KATNAL2: variants seen among roughly 807,000 people sequenced by gnomAD.
The protein encoded by KATNAL2 is katanin catalytic subunit A1 like 2.
KATNAL2 carries 52 observed loss-of-function variants against 76.3 expected under a neutral mutation model. The ratio of observed to expected loss-of-function variants is 0.68; its 90% confidence interval spans 0.55 to 0.86. The LOEUF (loss-of-function observed/expected upper bound fraction) is 0.86. Among genes scored for constraint, KATNAL2 ranks in the 40% least tolerant of loss-of-function variants. The pLI, the probability that KATNAL2 is intolerant of heterozygous loss-of-function variation, is 0.00. For synonymous variants in KATNAL2, 243 were observed against 244.2 expected, an observed-to-expected ratio of 1.00 and a Z score of 0.05; for missense variants, 660 against 668.9, an observed-to-expected ratio of 0.99 and a Z score of 0.15.
chr18:46,954,326 C>CTTTTTT (rs57075892), intron 3 of KATNAL2, among the ~76,000 whole-genome samples: 1 of 121,126 alleles, frequency 8.3e-6, no homozygotes. Flanking sequence ...TCTTCTTCGT[C>CTTTTTT]TTTTTTTTTT....
intron 15 of KATNAL2, among the ~76,000 whole-genome samples, chr18:47,090,690 A>G (rs979567401): frequency 3.9e-5 from 6 of 152,222 alleles, no homozygotes; most frequent in African/African-American, 1.4e-4. Context: ...ATCTGGGTCT[A>G]TAAACATGAC....
intron 15 of KATNAL2, among the ~76,000 whole-genome samples, chr18:47,092,772 G>C (rs765499220): frequency 2.6e-5 from 4 of 152,178 alleles, no homozygotes; most frequent in Non-Finnish European, 5.9e-5. Flanking sequence ...CACTCTATGC[G>C]TCACAGCCTC....
In KATNAL2 at chr18:47,069,820, T is replaced by C. The variant is rs537915401; in HGVS notation, c.1008+220T>C. Among the ~76,000 whole-genome samples, 5 of 152,290 alleles carry C rather than the reference T, an allele frequency of 3.3e-5. No homozygotes were observed. In the East Asian group the frequency reaches 9.6e-4, roughly 29 times the overall value. ...CATGATCTCCCTTCCTTTGGGAATTTGATCAACAGCTCTTTTTTTATTCAT... is the reference window on the plus strand; with the variant it reads ...CATGATCTCCCTTCCTTTGGGAATTCGATCAACAGCTCTTTTTTTATTCAT... On this transcript the variant is annotated intron_variant, in intron 13 of 17. Transcript: ENST00000683218.
Position 46,960,043 on chromosome 18 carries a change from T to C in KATNAL2, c.51+13120T>C, listed in dbSNP as rs189464871. ...AACTGGACTAAACATATGAGTAAAC[T>C]CTTTTCAAGCATTGGATTATGTGAT... On this transcript the variant is annotated intron_variant, in intron 3 of 17. Transcript: ENST00000683218. 2.8e-3 allele frequency among the ~76,000 whole-genome samples: 433 copies of C among 152,280 alleles called. 2 individuals carry two copies. Among genetic ancestry groups the C allele is most frequent in the Admixed American group, 5.6e-3 (85 of 15,288 alleles).
intron 1 of KATNAL2, among the ~76,000 whole-genome samples, chr18:46,927,517 A>C (rs1294873054): frequency 1.3e-5 from 2 of 151,680 alleles, no homozygotes; most frequent in South Asian, 4.2e-4. Context: ...TGCCCTTAAC[A>C]TTTTTTCCTT....
rs1276865326 is a variant in KATNAL2 at position 47,062,952 on chromosome 18, TA to T, written c.550-18del. On this transcript the variant is annotated intron_variant, in intron 8 of 17. Transcript: ENST00000683218. The stretch of plus-strand genomic sequence containing the variant: ...TTCTCTTATGTTCTCATGGCATAAA[TA>T]ACCATTCCTCCCTTTCAGGGCCAAA... 1 of 1,588,606 alleles carries T rather than the reference TA, an allele frequency of 6.3e-7. No homozygotes were observed. Among genetic ancestry groups the T allele is most frequent in the East Asian group, 2.2e-5 (1 of 44,730 alleles).
chr18:47,077,671 C>A, intron 15 of KATNAL2: 1 of 436,376 alleles, frequency 2.3e-6, no homozygotes, highest in Non-Finnish European at 4.1e-6. Context: ...GCCAGGGTGA[C>A]CATTAACAAT....
chr18:47,065,564 G>T (rs2061765251), intron 10 of KATNAL2, among the ~76,000 whole-genome samples: 1 of 152,142 alleles, frequency 6.6e-6, no homozygotes, highest in Non-Finnish European at 1.5e-5. Context: ...AGCTACCTGG[G>T]AGGCTGAGGC....
chr18:47,060,936 C>T (rs1343029795), intron 8 of KATNAL2, among the ~76,000 whole-genome samples: 5 of 152,218 alleles, frequency 3.3e-5, no homozygotes, highest in African/African-American at 4.8e-5. Context: ...CTTGTGAATG[C>T]CTCACATTGA....
intron 10 of KATNAL2, among the ~76,000 whole-genome samples, chr18:47,064,080 C>G (rs887897509): frequency 6.6e-6 from 1 of 152,134 alleles, no homozygotes; most frequent in East Asian, 1.9e-4. Flanking sequence ...AAGCTAAGGG[C>G]TCCTGAGCTG....
In KATNAL2 at chr18:47,053,039, A is replaced by G. The variant is rs1158804699; in HGVS notation, c.282A>G (p.Ser94=). The part of the protein sequence containing the change: ...QKYPKIVKKS[S]DTAENNLPQR... ...ACCCCAAAATTGTCAAAAAGTCATC[A>G]GACACAGGTACATGCCTATTTTCTA... Residue 94 remains serine (S), a synonymous_variant, in exon 5 of 18, where the codon TCA becomes TCG. Transcript: ENST00000683218. The G allele has an allele frequency of 6.3e-7, 1 of 1,598,724 alleles. No individual in the cohort carries two copies. The highest frequency in any genetic ancestry group is 8.5e-7 in the Non-Finnish European group (1 of 1,173,558).
intron 3 of KATNAL2, chr18:47,035,193 C>T (rs1351406645): frequency 2.5e-6 from 4 of 1,612,474 alleles, no homozygotes; most frequent in African/African-American, 1.3e-5. Context: ...CTAGCTTTTT[C>T]GGCTCCGTCT....
chr18:47,037,014 C>A (rs985430426), intron 3 of KATNAL2, among the ~76,000 whole-genome samples: 1 of 152,174 alleles, frequency 6.6e-6, no homozygotes, highest in South Asian at 2.1e-4. Context: ...GATGCAGGGA[C>A]TGTAAAACAG....
chr18:47,046,311 T>C, intron 3 of KATNAL2, 146 bp from the exon 4 acceptor site: 1 of 599,996 alleles, frequency 1.7e-6, no homozygotes, highest in South Asian at 2.1e-5. Flanking sequence ...AACAACTTTA[T>C]ATGTCCTTAG....
At chr18:47,064,773 G>T (rs527260196) in intron 10 of KATNAL2, among the ~76,000 whole-genome samples, 1 of 152,248 alleles carries the variant, frequency 6.6e-6, no homozygotes, top group South Asian at 2.1e-4. Context: ...AGTAGCATAG[G>T]AGGTAGAAAC....
At chr18:47,048,715 C>A (rs941189548) in intron 4 of KATNAL2, among the ~76,000 whole-genome samples, 1 of 152,118 alleles carries the variant, frequency 6.6e-6, no homozygotes. Flanking sequence ...AGTAAAGTAA[C>A]CCCAAGGGTA....
intron 3 of KATNAL2, among the ~76,000 whole-genome samples, chr18:47,042,561 G>T (rs1255893446): frequency 6.6e-6 from 1 of 151,972 alleles, no homozygotes; most frequent in African/African-American, 2.4e-5. Flanking sequence ...ACAAGAATAA[G>T]ATGCTATGAA....
intron 4 of KATNAL2, among the ~76,000 whole-genome samples, chr18:47,049,321 C>T (rs1238452935): frequency 3.9e-5 from 6 of 152,176 alleles, no homozygotes; most frequent in African/African-American, 7.2e-5. Flanking sequence ...TACACTTATA[C>T]TTCTATTATT....
At chr18:46,919,777 C>G (rs933868298) in intron 1 of KATNAL2, among the ~76,000 whole-genome samples, 4 of 152,142 alleles carry the variant, frequency 2.6e-5, no homozygotes, top group Non-Finnish European at 5.9e-5. Context: ...AATGAATGAA[C>G]AATGTCCAGG....
Sources: gnomAD v4.1 joint callset for allele counts (sites outside exome capture counted in the v4.1 genomes callset) on GRCh38, gnomAD v4.1.1 for gene constraint, MANE v1.5 for transcripts, NCBI Gene and HGNC (gene_info 2026-07-23, HGNC 2026-07-21) for gene names.